Variants in SPMAP2L observed in about 807,000 individuals in gnomAD.
SPMAP2L encodes the protein sperm microtubule associated protein 2 like, also known as sperm microtubule associated protein 2-like.
chr4:56,607,296 G>A, the SPMAP2L span, among the ~76,000 whole-genome samples: 1 of 152,120 alleles, frequency 6.6e-6, no homozygotes, highest in Admixed American at 6.5e-5. Flanking sequence ...CAGTAAGAAG[G>A]TGCCGTCTTG....
At chr4:56,566,602 T>C in the SPMAP2L span, among the ~76,000 whole-genome samples, 3 of 152,130 alleles carry the variant, frequency 2.0e-5, no homozygotes, top group Non-Finnish European at 4.4e-5. Flanking sequence ...TTAGAACTTA[T>C]AATGTGCATC....
At chr4:56,598,208 G>A in the SPMAP2L span, among the ~76,000 whole-genome samples, 1 of 152,186 alleles carries the variant, frequency 6.6e-6, no homozygotes, top group Non-Finnish European at 1.5e-5. Flanking sequence ...AGTAGTAGAT[G>A]TCATCCTAGG....
the SPMAP2L span, chr4:56,530,934 C>T: frequency 4.6e-6 from 7 of 1,535,226 alleles, no homozygotes; most frequent in Non-Finnish European, 6.1e-6. Flanking sequence ...ATGAGCCCCA[C>T]GCTCCCTATG....
chr4:56,565,784 A>T, the SPMAP2L span, among the ~76,000 whole-genome samples: 2 of 152,204 alleles, frequency 1.3e-5, no homozygotes, highest in South Asian at 4.1e-4. Context: ...AAAATCTGAA[A>T]CACTTCTAGT....
At chr4:56,562,645 C>T in the SPMAP2L span, among the ~76,000 whole-genome samples, 1 of 152,028 alleles carries the variant, frequency 6.6e-6, no homozygotes, top group African/African-American at 2.4e-5. Flanking sequence ...ATCACATTTG[C>T]TTCATATTAT....
chr4:56,536,687 G>A, the SPMAP2L span, among the ~76,000 whole-genome samples: 1 of 152,132 alleles, frequency 6.6e-6, no homozygotes, highest in Non-Finnish European at 1.5e-5. Flanking sequence ...TACCCATAAA[G>A]GTCTTAGAAC....
the SPMAP2L span, among the ~76,000 whole-genome samples, chr4:56,562,085 C>A: frequency 1.3e-5 from 2 of 151,914 alleles, no homozygotes; most frequent in African/African-American, 4.8e-5. Context: ...AATTATAGCA[C>A]GGGGGCAAAG....
the SPMAP2L span, among the ~76,000 whole-genome samples, chr4:56,570,855 G>A: frequency 6.6e-6 from 1 of 151,704 alleles, no homozygotes; most frequent in Non-Finnish European, 1.5e-5. Flanking sequence ...CCAGGCTGGA[G>A]TGCAGTGGTG....
At chr4:56,542,646 G>C in the SPMAP2L span, among the ~76,000 whole-genome samples, 8 of 152,050 alleles carry the variant, frequency 5.3e-5, no homozygotes, top group South Asian at 4.1e-4. Context: ...AGATTAAGAG[G>C]CTTGCTTCAA....
At chr4:56,594,889 G>A in the SPMAP2L span, 5 of 1,611,096 alleles carry the variant, frequency 3.1e-6, no homozygotes, top group Admixed American at 6.7e-5. Flanking sequence ...GAGACTTTGG[G>A]TCTGATGTCT....
chr4:56,554,166 G>T, the SPMAP2L span, among the ~76,000 whole-genome samples: 1 of 152,098 alleles, frequency 6.6e-6, no homozygotes, highest in Non-Finnish European at 1.5e-5. Flanking sequence ...AAACATTCAC[G>T]TGCAGGTTTT....
At chr4:56,582,134 G>C in the SPMAP2L span, among the ~76,000 whole-genome samples, 1 of 152,042 alleles carries the variant, frequency 6.6e-6, no homozygotes, top group African/African-American at 2.4e-5. Flanking sequence ...ATGACCTTTG[G>C]TGTCATATCT....
the SPMAP2L span, among the ~76,000 whole-genome samples, chr4:56,540,643 G>T: frequency 4.8e-3 from 726 of 151,980 alleles, 7 homozygotes; most frequent in African/African-American, 0.017. Flanking sequence ...GAAAGAGAAA[G>T]AAAGAAAAGA....
the SPMAP2L span, among the ~76,000 whole-genome samples, chr4:56,601,869 G>C: frequency 6.6e-6 from 1 of 152,088 alleles, no homozygotes; most frequent in Admixed American, 6.6e-5. Context: ...ACAGATTCTA[G>C]AACACAGCAT....
chr4:56,605,094 C>A, the SPMAP2L span, among the ~76,000 whole-genome samples: 248 of 152,304 alleles, frequency 1.6e-3, 2 homozygotes, highest in African/African-American at 5.7e-3. Flanking sequence ...TCTCAGAAAT[C>A]ACCACTAAAT....
chr4:56,548,760 A>T, the SPMAP2L span: 1 of 1,450,992 alleles, frequency 6.9e-7, no homozygotes. Flanking sequence ...GTTGAATCTA[A>T]TTTTTGCTTT....
chr4:56,609,383 G>A, the SPMAP2L span, among the ~76,000 whole-genome samples: 53 of 152,234 alleles, frequency 3.5e-4, no homozygotes, highest in Non-Finnish European at 6.6e-4. Context: ...GATTTCACAG[G>A]TTCACAGCTG....
chr4:56,569,295 T>C, the SPMAP2L span, among the ~76,000 whole-genome samples: 1 of 152,226 alleles, frequency 6.6e-6, no homozygotes, highest in Non-Finnish European at 1.5e-5. Context: ...TTCCAATATC[T>C]CCACATCCTT....
chr4:56,588,990 T>C, the SPMAP2L span, among the ~76,000 whole-genome samples: 1,033 of 151,310 alleles, frequency 6.8e-3, 13 homozygotes, highest in African/African-American at 0.024. Context: ...TCTGTGCCTA[T>C]TTTTTTTTCT....
Sources: allele counts gnomAD v4.1 joint callset (sites outside exome capture counted in the v4.1 genomes callset), GRCh38; gene constraint gnomAD v4.1.1; transcripts MANE v1.5; gene names NCBI Gene and HGNC (gene_info 2026-07-23, HGNC 2026-07-21).